The following UBAC2 variants were observed in gnomAD, a reference collection of about 807,000 sequenced individuals.
UBAC2 encodes UBA domain containing 2.
Under a neutral mutation model 44.0 loss-of-function variants are expected in UBAC2, and 26 were observed. That is an observed-to-expected ratio of 0.59 (90% CI 0.43 to 0.82). The LOEUF is 0.82. Among genes scored for constraint, UBAC2 ranks in the 40% least tolerant of loss-of-function variants. UBAC2 has a pLI of 0.00. For missense variants in UBAC2, 329 were observed against 419.4 expected (o/e 0.78, Z 1.88); for synonymous variants, 155 against 154.3 (o/e 1.00, Z -0.04).
At chr13:99,211,739 C>T (rs2042938811) in intron 1 of UBAC2, among the ~76,000 whole-genome samples, 1 of 152,222 alleles carries the variant, frequency 6.6e-6, no homozygotes, top group African/African-American at 2.4e-5. Context: ...TACTGCTTCT[C>T]AGCCTTAAAG....
rs3031384 is a variant in UBAC2 at position 99,216,082 on chromosome 13, T to TTGTGTGTGTG, written c.31+15165_31+15174dup. 2.6e-4 allele frequency among the ~76,000 whole-genome samples: 38 copies of TTGTGTGTGTG among 148,852 alleles called. 1 individual carries two copies. Among genetic ancestry groups the TTGTGTGTGTG allele is most frequent in the South Asian group, 8.6e-4 (4 of 4,648 alleles). On this transcript the variant is annotated intron_variant, in intron 1 of 8. Coordinates refer to ENST00000403766, the MANE Select transcript of UBAC2 (RefSeq NM_001144072.2). The stretch of plus-strand genomic sequence containing the variant: ...CAATTACTTTTGTACCAACCTATAT[T>TTGTGTGTGTG]TGTGTGTGTGTGTGTGTGTGTGTGT...
intron 4 of UBAC2, among the ~76,000 whole-genome samples, chr13:99,268,881 A>G (rs2138661078): frequency 6.6e-6 from 1 of 152,192 alleles, no homozygotes; most frequent in South Asian, 2.1e-4. Flanking sequence ...CATGGGAGAA[A>G]CAGGTGGAGA....
intron 7 of UBAC2, among the ~76,000 whole-genome samples, chr13:99,349,609 C>T (rs1024769505): frequency 3.3e-5 from 5 of 152,116 alleles, no homozygotes; most frequent in African/African-American, 1.2e-4. Context: ...GACAGGGGGG[C>T]CCTTCCCTCT....
At chr13:99,328,608 T>C (rs1419029277) in intron 6 of UBAC2, among the ~76,000 whole-genome samples, 1 of 152,238 alleles carries the variant, frequency 6.6e-6, no homozygotes, top group Non-Finnish European at 1.5e-5. Context: ...TTGAGCATTT[T>C]TTTTCATGTG....
In UBAC2 at chr13:99,266,824, A is replaced by G. The variant is rs540717431; in HGVS notation, c.389+22200A>G. On this transcript the variant is annotated intron_variant, in intron 4 of 8. Coordinates refer to ENST00000403766, the MANE Select transcript of UBAC2 (RefSeq NM_001144072.2). ...CTTCCCAGACTGAAAGCCTGTACCCATCATACAGCAAATATCTCTTCAGTC... is the reference window on the plus strand; with the variant it reads ...CTTCCCAGACTGAAAGCCTGTACCCGTCATACAGCAAATATCTCTTCAGTC... Among the ~76,000 whole-genome samples, 6 of 152,302 alleles carry G rather than the reference A, an allele frequency of 3.9e-5. No homozygotes were observed. The East Asian group carries it at 1.2e-3, about 29-fold the overall frequency.
At chr13:99,223,007 C>T (rs1008582080) in intron 1 of UBAC2, among the ~76,000 whole-genome samples, 5 of 152,114 alleles carry the variant, frequency 3.3e-5, no homozygotes, top group Admixed American at 1.3e-4. Context: ...ACTATAAATT[C>T]AATTTCATAA....
At chr13:99,325,113 T>C (rs1221450360) in intron 6 of UBAC2, among the ~76,000 whole-genome samples, 21 of 146,224 alleles carry the variant, frequency 1.4e-4, no homozygotes, top group African/African-American at 5.3e-4. Flanking sequence ...TTTTTTTTTT[T>C]TTTTTTTGAT....
intron 4 of UBAC2, among the ~76,000 whole-genome samples, chr13:99,286,278 A>G (rs969488777): frequency 4.0e-4 from 61 of 152,234 alleles, no homozygotes; most frequent in African/African-American, 1.5e-3. Context: ...ACAAAGCAAC[A>G]TACCTGGATC....
chr13:99,373,112 C>T (rs753908963), intron 8 of UBAC2, among the ~76,000 whole-genome samples: 2 of 151,634 alleles, frequency 1.3e-5, no homozygotes, highest in African/African-American at 4.9e-5. Flanking sequence ...CAGAGCAAGA[C>T]TCTGTCTCAA....
intron 4 of UBAC2, chr13:99,258,230 G>T (rs578170644): frequency 7.9e-5 from 12 of 152,344 alleles, no homozygotes; most frequent in Non-Finnish European, 1.8e-4. Context: ...ATATCTTTGA[G>T]TTGCTTCTGT....
intron 6 of UBAC2, among the ~76,000 whole-genome samples, chr13:99,322,078 TGTAATTGGA>T (rs1296602444): frequency 3.3e-5 from 5 of 152,236 alleles, no homozygotes; most frequent in African/African-American, 1.2e-4. Flanking sequence ...GTTGCAAAAT[TGTAATTGGA>T]AAGCTTGGCT....
intron 4 of UBAC2, among the ~76,000 whole-genome samples, chr13:99,299,178 G>A (rs2044220261): frequency 6.6e-6 from 1 of 152,230 alleles, no homozygotes; most frequent in South Asian, 2.1e-4. Context: ...ATAAGATGCA[G>A]CATCTAGCAG....
rs575985603 is a variant in UBAC2 at position 99,236,100 on chromosome 13, A to G, written c.32-2327A>G. Among the ~76,000 whole-genome samples, 4 of 152,364 alleles carry G rather than the reference A, an allele frequency of 2.6e-5. No homozygotes were observed. In the South Asian group the frequency reaches 6.2e-4, roughly 24 times the overall value. ...GTCTAAGACCTGAAACTATGAAACT[A>G]CTAGCAGAAAATGTTGGAGAAATGC... is the stretch of plus-strand genomic sequence containing the variant. On this transcript the variant is annotated intron_variant, in intron 1 of 8. Transcript: ENST00000403766.
chr13:99,308,941 G>A (rs1308444995), intron 4 of UBAC2: 1 of 152,188 alleles, frequency 6.6e-6, no homozygotes, highest in Non-Finnish European at 1.5e-5. Flanking sequence ...AACTTAGGCT[G>A]CAGAGTACTT....
chr13:99,368,565 A>G (rs1223759035), intron 8 of UBAC2, among the ~76,000 whole-genome samples: 2 of 152,232 alleles, frequency 1.3e-5, no homozygotes, highest in African/African-American at 4.8e-5. Context: ...GATTTGAGCA[A>G]ATGAGGAACT....
chr13:99,292,844 T>C (rs148305418), intron 4 of UBAC2, among the ~76,000 whole-genome samples: 7 of 152,288 alleles, frequency 4.6e-5, no homozygotes, highest in South Asian at 2.1e-4. Context: ...AAAATACTTA[T>C]AGGGTTGTGA....
intron 4 of UBAC2, among the ~76,000 whole-genome samples, chr13:99,261,253 C>G (rs1376454671): frequency 2.0e-5 from 3 of 152,198 alleles, no homozygotes; most frequent in Admixed American, 6.5e-5. Flanking sequence ...GTGAGGCAGA[C>G]AAAGAGTCCT....
At chr13:99,225,805 C>T (rs2043104113) in intron 1 of UBAC2, among the ~76,000 whole-genome samples, 2 of 152,172 alleles carry the variant, frequency 1.3e-5, no homozygotes. Context: ...TTCTAAAATG[C>T]ATTAGGTCCC....
intron 4 of UBAC2, among the ~76,000 whole-genome samples, chr13:99,272,940 T>G (rs982209348): frequency 3.3e-5 from 5 of 152,112 alleles, no homozygotes; most frequent in African/African-American, 1.2e-4. Flanking sequence ...CTGTTCATGC[T>G]CTAGTATTTT....
Sources: gnomAD v4.1 joint callset for allele counts (sites outside exome capture counted in the v4.1 genomes callset) on GRCh38, gnomAD v4.1.1 for gene constraint, MANE v1.5 for transcripts, NCBI Gene and HGNC (gene_info 2026-07-23, HGNC 2026-07-21) for gene names.